GRIN2B: variants seen among roughly 807,000 people sequenced by gnomAD.
The protein encoded by GRIN2B is glutamate receptor ionotropic, NMDA 2B.
Under a neutral mutation model 114.5 loss-of-function variants are expected in GRIN2B, and 5 were observed. The observed-to-expected ratio is 0.04, with a 90% CI of 0.02 to 0.09. GRIN2B has a LOEUF of 0.09. Ranked by LOEUF, GRIN2B falls within the 10% of genes least tolerant of loss-of-function variation. The pLI is 1.00. For synonymous variants in GRIN2B, 787 were observed against 745.1 expected (o/e 1.06, Z -0.92); for missense variants, 1,108 against 1,943.5 (o/e 0.57, Z 8.08).
Position 13,825,496 on chromosome 12 carries a change from T to TTTGTGTGTGTGTG in GRIN2B, c.411+40301_411+40302insCACACACACACAA, listed in dbSNP as rs375940899. Among the ~76,000 whole-genome samples, 5 of 122,970 alleles carry TTTGTGTGTGTGTG rather than the reference T, an allele frequency of 4.1e-5. No individual in the cohort carries two copies. In the East Asian group the frequency reaches 9.0e-4, roughly 22 times the overall value. 80.7% of individuals were successfully genotyped at this position (122,970 alleles called of 152,430 possible). On this transcript the variant is annotated intron_variant, in intron 3 of 13. Transcript: ENST00000609686. ...TATATATAATAAATATATATATATT[T>TTTGTGTGTGTGTG]TGTGTGTGTGTGTGTGTGTGTGTGT...
intron 10 of GRIN2B, among the ~76,000 whole-genome samples, chr12:13,575,987 G>A (rs983251516): frequency 6.6e-6 from 1 of 152,192 alleles, no homozygotes; most frequent in Non-Finnish European, 1.5e-5. Flanking sequence ...GTAAGGCAAT[G>A]TTCCCTAAGT....
At chr12:13,825,467 A>AAT (rs1298518761) in intron 3 of GRIN2B, among the ~76,000 whole-genome samples, 2 of 145,110 alleles carry the variant, frequency 1.4e-5, no homozygotes, top group African/African-American at 2.6e-5. Flanking sequence ...ATATATATAT[A>AAT]ATATATATAT....
intron 2 of GRIN2B, among the ~76,000 whole-genome samples, chr12:13,904,273 C>T (rs1866503447): frequency 6.6e-6 from 1 of 151,366 alleles, no homozygotes; most frequent in Admixed American, 6.6e-5. Flanking sequence ...TTTTTATTTC[C>T]AATCTGCTAA....
At chr12:13,608,508 C>T in intron 10 of GRIN2B, 95 bp downstream of exon 10, 1 of 916,830 alleles carries the variant, frequency 1.1e-6, no homozygotes, top group Non-Finnish European at 1.8e-6. Context: ...CGGTCAATTC[C>T]AAAAATTTAG....
rs535579013 is a variant in GRIN2B at position 13,601,907 on chromosome 12, A to T, written c.2010+6696T>A. Among the ~76,000 whole-genome samples, 111 of 152,240 alleles carry T rather than the reference A, an allele frequency of 7.3e-4. 1 individual carries two copies. Among genetic ancestry groups the T allele is most frequent in the African/African-American group, 2.6e-3 (110 of 41,554 alleles). ...GGATTCAGGAATTAGGACTTGGGGGATACCTGTTGGGGCATATAGCAGACC... is the reference window on the plus strand; with the variant it reads ...GGATTCAGGAATTAGGACTTGGGGGTTACCTGTTGGGGCATATAGCAGACC... On this transcript the variant is annotated intron_variant, in intron 10 of 13. Transcript: ENST00000609686.
chr12:13,966,875 T>C (rs1867797398), intron 2 of GRIN2B, among the ~76,000 whole-genome samples: 1 of 152,078 alleles, frequency 6.6e-6, no homozygotes, highest in African/African-American at 2.4e-5. Context: ...TACAGAGAAA[T>C]AAAGACATTT....
intron 2 of GRIN2B, among the ~76,000 whole-genome samples, chr12:13,943,586 C>T (rs981437862): frequency 6.6e-6 from 1 of 152,150 alleles, no homozygotes; most frequent in Non-Finnish European, 1.5e-5. Context: ...TAAGCATGGC[C>T]TCCTTGTTTT....
In GRIN2B at chr12:13,945,285, A is replaced by G. The variant is rs59813230; in HGVS notation, c.-19+34643T>C. On this transcript the variant is annotated intron_variant, in intron 2 of 13. Coordinates refer to ENST00000609686, the MANE Select transcript of GRIN2B (RefSeq NM_000834.5). ...GAAGGTATCATTGTTATGACATTAGAAAGAGTGAGAAGTGGCAGGGTGGTA... is the reference window on the plus strand; with the variant it reads ...GAAGGTATCATTGTTATGACATTAGGAAGAGTGAGAAGTGGCAGGGTGGTA... Among the ~76,000 whole-genome samples the G allele has an allele frequency of 2.2e-3, 337 of 152,290 alleles. 2 individuals carry two copies. The highest frequency in any genetic ancestry group is 7.9e-3 in the African/African-American group (328 of 41,566).
At chr12:13,913,853 G>T (rs994741413) in intron 2 of GRIN2B, among the ~76,000 whole-genome samples, 1 of 152,076 alleles carries the variant, frequency 6.6e-6, no homozygotes, top group Non-Finnish European at 1.5e-5. Flanking sequence ...CCAAACCTCA[G>T]TTTCCTCATC....
intron 5 of GRIN2B, among the ~76,000 whole-genome samples, chr12:13,622,371 A>G (rs1949526249): frequency 6.6e-6 from 1 of 152,110 alleles, no homozygotes; most frequent in Non-Finnish European, 1.5e-5. Context: ...TCTGCATCCC[A>G]TTCTGTCCTG....
At chr12:13,887,070 C>T (rs1051703358) in intron 2 of GRIN2B, among the ~76,000 whole-genome samples, 12 of 152,090 alleles carry the variant, frequency 7.9e-5, no homozygotes, top group African/African-American at 1.7e-4. Context: ...ATCTCTAATG[C>T]GCATGCTCTT....
At chr12:13,721,362 A>T (rs1348073601) in intron 4 of GRIN2B, among the ~76,000 whole-genome samples, 3 of 152,042 alleles carry the variant, frequency 2.0e-5, no homozygotes, top group East Asian at 3.9e-4. Context: ...TAAAAAAAAA[A>T]ATTATTCTGG....
chr12:13,783,963 C>T (rs1864170435), intron 3 of GRIN2B, among the ~76,000 whole-genome samples: 2 of 152,088 alleles, frequency 1.3e-5, no homozygotes, highest in Non-Finnish European at 2.9e-5. Context: ...GTGGCTCATG[C>T]CTGTAATCCC....
chr12:13,923,540 A>G (rs1436819737), intron 2 of GRIN2B, among the ~76,000 whole-genome samples: 2 of 152,226 alleles, frequency 1.3e-5, no homozygotes, highest in East Asian at 1.9e-4. Flanking sequence ...TGTCTGAGTT[A>G]TTAAGTACAT....
At chr12:13,930,671 T>C (rs1867010579) in intron 2 of GRIN2B, among the ~76,000 whole-genome samples, 1 of 152,200 alleles carries the variant, frequency 6.6e-6, no homozygotes, top group Non-Finnish European at 1.5e-5. Context: ...TGTTTATTCA[T>C]GATTTGGATA....
chr12:13,602,444 G>A (rs995110750), intron 10 of GRIN2B, among the ~76,000 whole-genome samples: 1 of 152,224 alleles, frequency 6.6e-6, no homozygotes, highest in Non-Finnish European at 1.5e-5. Flanking sequence ...TGACAGATCG[G>A]GCTGGAGGTT....
intron 3 of GRIN2B, among the ~76,000 whole-genome samples, chr12:13,832,169 A>G (rs920555522): frequency 2.7e-4 from 41 of 152,358 alleles, no homozygotes; most frequent in African/African-American, 8.7e-4. Context: ...TTCTTCTTAC[A>G]CGTATTTATT....
chr12:13,961,459 T>C (rs1364424477), intron 2 of GRIN2B, among the ~76,000 whole-genome samples: 1 of 152,194 alleles, frequency 6.6e-6, no homozygotes, highest in Non-Finnish European at 1.5e-5. Flanking sequence ...AAGTGGTTGA[T>C]CTGCAATGGA....
intron 2 of GRIN2B, among the ~76,000 whole-genome samples, chr12:13,941,302 T>C (rs1467553719): frequency 6.6e-6 from 1 of 152,188 alleles, no homozygotes; most frequent in Non-Finnish European, 1.5e-5. Context: ...TGCCTGTAAC[T>C]AGCACACAGC....
Sources: gnomAD v4.1 joint callset for allele counts (sites outside exome capture counted in the v4.1 genomes callset) on GRCh38, gnomAD v4.1.1 for gene constraint, MANE v1.5 for transcripts, NCBI Gene and HGNC (gene_info 2026-07-23, HGNC 2026-07-21) for gene names.